The following HMX1 variants were observed in gnomAD, a reference collection of about 807,000 sequenced individuals.
HMX1 encodes homeobox protein HMX1.
In HMX1, 8 loss-of-function variants were observed where a neutral mutation model predicts 8.9. The observed-to-expected ratio is 0.90, with a 90% CI of 0.53 to 1.63. The LOEUF is 1.63. Ranked by LOEUF, HMX1 falls within the 40% of genes most tolerant of loss-of-function variation. The pLI is 0.00. For missense variants in HMX1, 621 were observed against 558.5 expected, an observed-to-expected ratio of 1.11 and a Z score of -1.13; for synonymous variants, 311 against 283.4, an observed-to-expected ratio of 1.10 and a Z score of -0.98.
downstream of HMX1, among the ~76,000 whole-genome samples, chr4:8,862,543 A>G (rs1026669645): frequency 2.0e-5 from 3 of 152,198 alleles, no homozygotes; most frequent in East Asian, 1.9e-4. Context: ...GCCTTATTAT[A>G]AAGCAAACAC....
At chr4:8,862,879 G>A (rs1377893321), downstream of HMX1, among the ~76,000 whole-genome samples, 3 of 152,216 alleles carry the variant, frequency 2.0e-5, no homozygotes, top group Non-Finnish European at 4.4e-5. Context: ...GTCCTTCCGT[G>A]CATGACACGC....
chr4:8,855,085 C>T (rs1721570363), intron 1 of HMX1, among the ~76,000 whole-genome samples: 1 of 152,272 alleles, frequency 6.6e-6, no homozygotes, highest in African/African-American at 2.4e-5. Context: ...GACGCCCACG[C>T]TCCACCATGG....
chr4:8,853,622 C>T lies in HMX1; in HGVS notation c.395-7298G>A, dbSNP rs999059354. 1.1e-4 allele frequency among the ~76,000 whole-genome samples: 17 copies of T among 152,196 alleles called. No individual in the cohort carries two copies. The highest frequency in any genetic ancestry group is 2.1e-4 in the South Asian group (1 of 4,832). ...ATCCCAGCACTTTGGCAGGCCAAGG[C>T]GGGCGGATCACCTGAGGTCAGGAGT... On this transcript the variant is annotated intron_variant, in intron 1 of 1. Transcript: ENST00000506970. The surrounding 1 kb of genome is among the most constrained non-coding windows in gnomAD (Gnocchi z 4.7).
At chr4:8,861,149 G>T (rs1721798081) in intron 1 of HMX1, among the ~76,000 whole-genome samples, 1 of 152,140 alleles carries the variant, frequency 6.6e-6, no homozygotes, top group Admixed American at 6.5e-5. Context: ...TCTAGGTCGG[G>T]CAGCCCCGCG....
At chr4:8,851,075 AC>A (rs1327614429) in intron 1 of HMX1, among the ~76,000 whole-genome samples, 1 of 152,250 alleles carries the variant, frequency 6.6e-6, no homozygotes, top group African/African-American at 2.4e-5. Flanking sequence ...ATTTGCAAAC[AC>A]AAAAACAGAG....
In HMX1 at chr4:8,871,665, G is replaced by C; in HGVS notation, c.-51C>G. On this transcript the variant is annotated 5_prime_UTR_variant, in exon 1 of 2. It adds an upstream start codon to the 5' untranslated region. Coordinates refer to ENST00000400677, the MANE Select transcript of HMX1 (RefSeq NM_018942.3). The surrounding 1 kb of genome is among the most constrained non-coding windows in gnomAD (Gnocchi z 4.8). Reference sequence around the variant, plus strand: ...GCCGGGCTCCTCGGTCCCCGCTGGGGATGGTGGCGCGCGGCTCCCGGGCGC... The same window carrying C: ...GCCGGGCTCCTCGGTCCCCGCTGGGCATGGTGGCGCGCGGCTCCCGGGCGC... 2 of 1,165,778 alleles carry C rather than the reference G, an allele frequency of 1.7e-6. No individual in the cohort carries two copies. Among genetic ancestry groups the C allele is most frequent in the Non-Finnish European group, 2.1e-6 (2 of 946,284 alleles). 72.2% of individuals were successfully genotyped at this position (1,165,778 alleles called of 1,614,324 possible).
intron 1 of HMX1, among the ~76,000 whole-genome samples, chr4:8,857,527 C>T (rs1721648420): frequency 6.6e-6 from 1 of 152,328 alleles, no homozygotes; most frequent in Non-Finnish European, 1.5e-5. Flanking sequence ...CAGCTTCTCT[C>T]GGAAGTGACG....
At chr4:8,852,359 G>A (rs899713317) in intron 1 of HMX1, among the ~76,000 whole-genome samples, 1 of 152,246 alleles carries the variant, frequency 6.6e-6, no homozygotes, top group South Asian at 2.1e-4. Context: ...CGGAGCAGCT[G>A]TAACGACCTT....
chr4:8,858,089 G>A (rs931314308), intron 1 of HMX1, among the ~76,000 whole-genome samples: 1 of 152,120 alleles, frequency 6.6e-6, no homozygotes, highest in Non-Finnish European at 1.5e-5. Flanking sequence ...GGACCGGCGT[G>A]GGGGAGGGGG....
intron 1 of HMX1, among the ~76,000 whole-genome samples, chr4:8,850,040 G>A (rs1305084834): frequency 3.3e-5 from 5 of 152,164 alleles, no homozygotes; most frequent in Non-Finnish European, 7.4e-5. Flanking sequence ...CCACCCATGT[G>A]CCGAAGAGTG....
chr4:8,869,583 C>T (rs1322883219), intron 1 of HMX1, among the ~76,000 whole-genome samples: 1 of 152,234 alleles, frequency 6.6e-6, no homozygotes, highest in Non-Finnish European at 1.5e-5. Context: ...GTGCCTCATG[C>T]CCAAGGAGTG....
chr4:8,857,508 G>A (rs902479534), intron 1 of HMX1, among the ~76,000 whole-genome samples: 2 of 152,138 alleles, frequency 1.3e-5, no homozygotes, highest in Non-Finnish European at 2.9e-5. Context: ...TGGGGCGCGG[G>A]TTCCGGCCCA....
Position 8,867,384 on chromosome 4 carries a change from C to G in HMX1, c.*309G>C. On this transcript the variant is annotated 3_prime_UTR_variant, in exon 2 of 2. Coordinates refer to ENST00000400677, the MANE Select transcript of HMX1 (RefSeq NM_018942.3). Reference sequence around the variant, plus strand: ...GGGCAGCTGCCCCGGGTGGCCATGGCCGACCGCTCCTCGCTGAGGCCGGGG... The same window carrying G: ...GGGCAGCTGCCCCGGGTGGCCATGGGCGACCGCTCCTCGCTGAGGCCGGGG... 9.5e-7 allele frequency: 1 copy of G among 1,049,426 alleles called. No individual in the cohort carries two copies. Among genetic ancestry groups the G allele is most frequent in the South Asian group, 4.6e-5 (1 of 21,852 alleles). The allele number at this position is 1,049,426 out of a possible 1,614,324, so 65.0% of individuals were successfully genotyped here. A position where few individuals can be genotyped will look rare whatever the true frequency, so the allele number is the denominator to read the frequency against.
At chr4:8,869,671 G>A (rs1722144688) in intron 1 of HMX1, among the ~76,000 whole-genome samples, 1 of 152,168 alleles carries the variant, frequency 6.6e-6, no homozygotes, top group Admixed American at 6.5e-5. Context: ...CAGGCAGCAG[G>A]TTGTGGTGCA....
intron 1 of HMX1, among the ~76,000 whole-genome samples, chr4:8,856,096 T>C (rs989792090): frequency 6.6e-6 from 1 of 152,154 alleles, no homozygotes. Context: ...AGGTTGTTCA[T>C]GGGAAGCCGC....
chr4:8,846,427 A>C, intron 1 of HMX1: 1 of 858,776 alleles, frequency 1.2e-6, no homozygotes, highest in Admixed American at 2.7e-5. Flanking sequence ...TCAAAACCCA[A>C]ACCTGGCTCA....
chr4:8,869,129 AGACTG>A (rs1722127940), intron 1 of HMX1, among the ~76,000 whole-genome samples: 1 of 152,238 alleles, frequency 6.6e-6, no homozygotes. Context: ...AACACTTTCA[AGACTG>A]GAGGTTCAGC....
intron 1 of HMX1, among the ~76,000 whole-genome samples, chr4:8,859,595 C>T (rs752063638): frequency 3.9e-5 from 6 of 152,156 alleles, no homozygotes; most frequent in Non-Finnish European, 7.3e-5. Context: ...CACCCTCCCC[C>T]ACTCACCCAG....
At chr4:8,863,297 G>A (rs529843178), downstream of HMX1, among the ~76,000 whole-genome samples, 51 of 152,338 alleles carry the variant, frequency 3.3e-4, no homozygotes, top group Admixed American at 7.2e-4. Context: ...CCAACAAGTT[G>A]CAAGGTGGGG....
Sources: allele counts gnomAD v4.1 joint callset (sites outside exome capture counted in the v4.1 genomes callset), GRCh38; gene constraint gnomAD v4.1.1; non-coding constraint Gnocchi (gnomAD v3.1); transcripts MANE v1.5; gene names NCBI Gene and HGNC (gene_info 2026-07-23, HGNC 2026-07-21).